The following FAM20A variants were observed in gnomAD, a reference collection of about 807,000 sequenced individuals.
FAM20A encodes the protein pseudokinase FAM20A.
In FAM20A, 42 loss-of-function variants were observed where a neutral mutation model predicts 52.0. That is an observed-to-expected ratio of 0.81 (90% CI 0.63 to 1.04). The LOEUF (loss-of-function observed/expected upper bound fraction) is 1.04, where lower values mean the gene tolerates loss of function less well. FAM20A is among the 50% of genes least tolerant of loss of function. The pLI is 0.00. For missense variants in FAM20A, 742 were observed against 712.7 expected, an observed-to-expected ratio of 1.04 and a Z score of -0.47; for synonymous variants, 304 against 298.9, an observed-to-expected ratio of 1.02 and a Z score of -0.18.
intron 4 of FAM20A, among the ~76,000 whole-genome samples, chr17:68,546,573 A>G (rs1477378380): frequency 1.7e-4 from 26 of 151,814 alleles, no homozygotes; most frequent in African/African-American, 4.4e-4. Context: ...GCTCGCGCCT[A>G]TAATCCCAGC....
At chr17:68,575,524 ATATAAT>A (rs2087717720) in intron 1 of FAM20A, among the ~76,000 whole-genome samples, 1 of 70,186 alleles carries the variant, frequency 1.4e-5, no homozygotes, top group South Asian at 5.1e-4. Context: ...TTTATATATT[ATATAAT>A]ATATATTTTA....
intron 4 of FAM20A, among the ~76,000 whole-genome samples, chr17:68,548,455 A>C (rs1007226330): frequency 6.6e-6 from 1 of 152,024 alleles, no homozygotes; most frequent in Admixed American, 6.5e-5. Flanking sequence ...GCTTGAACCC[A>C]GGAGGCAGAG....
At chr17:68,542,667 G>T (rs372299359) in intron 6 of FAM20A, 27 bp downstream of exon 6, 3 of 1,565,194 alleles carry the variant, frequency 1.9e-6, no homozygotes. Context: ...ACTCAGACCC[G>T]GAATATCACT....
At chr17:68,565,067 C>T (rs549616819) in intron 1 of FAM20A, among the ~76,000 whole-genome samples, 4 of 152,118 alleles carry the variant, frequency 2.6e-5, no homozygotes, top group Admixed American at 2.0e-4. Context: ...TTGGATCCCC[C>T]GCCTCCAAAG....
intron 7 of FAM20A, 61 bp downstream of exon 7, chr17:68,541,924 C>A (rs1481278691): frequency 8.4e-6 from 13 of 1,547,780 alleles, no homozygotes; most frequent in South Asian, 1.2e-5. Flanking sequence ...CAACAAGTCC[C>A]TGGTACAGGG....
chr17:68,560,203 G>T (rs2087171198), intron 1 of FAM20A, among the ~76,000 whole-genome samples: 1 of 152,132 alleles, frequency 6.6e-6, no homozygotes, highest in Non-Finnish European at 1.5e-5. Flanking sequence ...AAGTGCTGGG[G>T]TTATGGTGAC....
chr17:68,562,273 AAG>A (rs1349099498), intron 1 of FAM20A, among the ~76,000 whole-genome samples: 2 of 152,244 alleles, frequency 1.3e-5, no homozygotes, highest in African/African-American at 4.8e-5. Flanking sequence ...AACTGGAGAA[AAG>A]AGAAATATCT....
chr17:68,553,745 C>CACATATATAT (rs1260824112), intron 3 of FAM20A, among the ~76,000 whole-genome samples: 24 of 149,556 alleles, frequency 1.6e-4, no homozygotes, highest in African/African-American at 4.0e-4. Context: ...CATATATATA[C>CACATATATAT]ACATATATAT....
Position 68,537,565 on chromosome 17 carries a change from A to G in FAM20A, c.1538T>C (p.Ile513Thr), listed in dbSNP as rs764331035. Residue 513 changes from isoleucine to threonine, a missense_variant, in exon 11 of 11, where the codon ATA (isoleucine) becomes ACA (threonine). By Grantham distance (89) the Ile-to-Thr change is moderately conservative. Transcript: ENST00000592554. This position sits in a 1 kb window ranked among gnomAD's most constrained non-coding sequence, Gnocchi z 4.2. ...GACACTCTGCTGTCCATGGGCCACT[A>G]TGCACCCCTCCACTGTCCTTAGGAT... Reference protein sequence around the residue: ...QTILRTVEGCIVAHGQQSVIV... With the variant: ...QTILRTVEGCTVAHGQQSVIV... 50 of 1,613,180 alleles carry G rather than the reference A, an allele frequency of 3.1e-5. No homozygotes were observed. The highest frequency in any genetic ancestry group is 1.8e-4 in the South Asian group (16 of 90,992).
intron 1 of FAM20A, among the ~76,000 whole-genome samples, chr17:68,594,506 G>A (rs1003409129): frequency 1.1e-4 from 17 of 152,148 alleles, no homozygotes; most frequent in African/African-American, 3.6e-4. Context: ...TCACAGTTTT[G>A]TAGGTCAGAT....
intron 1 of FAM20A, among the ~76,000 whole-genome samples, chr17:68,592,909 C>CCCG (rs1469445824): frequency 6.6e-6 from 1 of 152,200 alleles, no homozygotes; most frequent in Non-Finnish European, 1.5e-5. Context: ...CTTGCTCAAG[C>CCCG]CCGAGTCTAC....
chr17:68,573,793 C>G (rs979480784), intron 1 of FAM20A, among the ~76,000 whole-genome samples: 6 of 151,980 alleles, frequency 3.9e-5, no homozygotes, highest in African/African-American at 1.5e-4. Flanking sequence ...ATTCAGCCTC[C>G]CAAGTAGCTG....
At chr17:68,549,037 G>A (rs2086710209) in intron 4 of FAM20A, among the ~76,000 whole-genome samples, 2 of 152,098 alleles carry the variant, frequency 1.3e-5, no homozygotes, top group African/African-American at 4.8e-5. Context: ...CAGCCTGCCT[G>A]TATTTGTTTT....
Position 68,537,749 on chromosome 17 carries a change from GAC to G in FAM20A, c.1362-10_1362-9del. ...AGTGTTTTCTTTTTTATCCTGAAAAGACAAAGTTACAGGAACCAAATAAGCAA... is the reference window on the plus strand; with the variant it reads ...AGTGTTTTCTTTTTTATCCTGAAAAGAAAGTTACAGGAACCAAATAAGCAA... On this transcript the variant is annotated splice_polypyrimidine_tract_variant and intron_variant, in intron 10 of 10. Coordinates refer to ENST00000592554, the MANE Select transcript of FAM20A (RefSeq NM_017565.4). This position sits in a 1 kb window ranked among gnomAD's most constrained non-coding sequence, Gnocchi z 4.2. 1.9e-6 allele frequency: 3 copies of G among 1,607,174 alleles called. No individual in the cohort carries two copies. Among genetic ancestry groups the G allele is most frequent in the Non-Finnish European group, 2.6e-6 (3 of 1,176,336 alleles).
At chr17:68,598,858 T>C (rs1402308958) in intron 1 of FAM20A, among the ~76,000 whole-genome samples, 2 of 152,312 alleles carry the variant, frequency 1.3e-5, no homozygotes, top group East Asian at 3.9e-4. Context: ...AGTAGACATA[T>C]AGATACTTTT....
chr17:68,594,835 A>G (rs906475670), intron 1 of FAM20A, among the ~76,000 whole-genome samples: 1 of 152,198 alleles, frequency 6.6e-6, no homozygotes, highest in African/African-American at 2.4e-5. Flanking sequence ...AGCCCAAGAA[A>G]ACTCTCTGCT....
intron 1 of FAM20A, among the ~76,000 whole-genome samples, chr17:68,560,343 CAAA>C (rs59192235): frequency 1.6e-4 from 17 of 108,306 alleles, no homozygotes; most frequent in Admixed American, 3.6e-4. Context: ...AACTCCATCT[CAAA>C]AAAAAAAAAA....
chr17:68,557,792 G>C (rs1281562461), intron 1 of FAM20A, among the ~76,000 whole-genome samples: 1 of 152,158 alleles, frequency 6.6e-6, no homozygotes, highest in Non-Finnish European at 1.5e-5. Flanking sequence ...CGTTTTCCTT[G>C]TATGAACGTA....
At chr17:68,554,096 A>G (rs951489566) in intron 3 of FAM20A, among the ~76,000 whole-genome samples, 6 of 147,784 alleles carry the variant, frequency 4.1e-5, no homozygotes, top group Admixed American at 3.4e-4. Flanking sequence ...ATATATACAC[A>G]CATATATATA....
Sources: allele counts gnomAD v4.1 joint callset (sites outside exome capture counted in the v4.1 genomes callset), GRCh38; gene constraint gnomAD v4.1.1; non-coding constraint Gnocchi (gnomAD v3.1); transcripts MANE v1.5; gene names NCBI Gene and HGNC (gene_info 2026-07-23, HGNC 2026-07-21).